PLEKHA2: variants seen among roughly 807,000 people sequenced by gnomAD.
The protein encoded by PLEKHA2 is pleckstrin homology domain containing A2, also known as pleckstrin homology domain-containing family A member 2.
Under a neutral mutation model 53.2 loss-of-function variants are expected in PLEKHA2, and 28 were observed. The ratio of observed to expected loss-of-function variants is 0.53; its 90% CI spans 0.39 to 0.72. The LOEUF is 0.72. Ranked by LOEUF, PLEKHA2 falls within the 30% of genes least tolerant of loss-of-function variation. The pLI is 0.00. For missense variants in PLEKHA2, 426 were observed against 537.9 expected, an observed-to-expected ratio of 0.79 and a Z score of 2.06; for synonymous variants, 193 against 196.4, an observed-to-expected ratio of 0.98 and a Z score of 0.14.
At chr8:38,926,682 G>C (rs983000056) in intron 2 of PLEKHA2, among the ~76,000 whole-genome samples, 21 of 152,232 alleles carry the variant, frequency 1.4e-4, no homozygotes, top group African/African-American at 5.1e-4. Flanking sequence ...TGTAATCCCA[G>C]TACTCTGGGA....
chr8:38,922,186 G>A lies in PLEKHA2; in HGVS notation c.141+4116G>A, dbSNP rs559752553. 6.6e-6 allele frequency among the ~76,000 whole-genome samples: 1 copy of A among 152,184 alleles called. No homozygotes were observed. Among genetic ancestry groups the A allele is most frequent in the Non-Finnish European group, 1.5e-5 (1 of 68,032 alleles). On this transcript the variant is annotated intron_variant, in intron 2 of 11. Coordinates refer to ENST00000617275, the MANE Select transcript of PLEKHA2 (RefSeq NM_021623.2). The surrounding 1 kb of genome is among the most constrained non-coding windows in gnomAD (Gnocchi z 4.0). ...CTGATAATGAGACAGGCGTCTAAGGGTGACTTGGAGGATGAAGAGCCTGCA... is the reference window on the plus strand; with the variant it reads ...CTGATAATGAGACAGGCGTCTAAGGATGACTTGGAGGATGAAGAGCCTGCA...
chr8:38,918,002 T>C lies in PLEKHA2; in HGVS notation c.73T>C (p.Phe25Leu), dbSNP rs370991050. 1 of 1,613,518 alleles carries C rather than the reference T, an allele frequency of 6.2e-7. No individual in the cohort carries two copies. Among genetic ancestry groups the C allele is most frequent in the Non-Finnish European group, 8.5e-7 (1 of 1,179,668 alleles). The change falls in exon 2 of 12, where the codon TTT becomes CTT. Residue 25 changes from phenylalanine to leucine, a missense_variant. By Grantham distance (22) the Phe-to-Leu change is conservative. Coordinates refer to ENST00000617275, the MANE Select transcript of PLEKHA2 (RefSeq NM_021623.2). The stretch of plus-strand genomic sequence containing the variant: ...CGAGGAGCATGAGAACAGCGGCAAG[T>C]TTCTGCGGAGGTACTTCATTCTGGA... ...DIEEHENSGK[F>L]LRRYFILDTQ...
At chr8:38,915,348 G>A (rs1436860249) in intron 1 of PLEKHA2, among the ~76,000 whole-genome samples, 3 of 152,210 alleles carry the variant, frequency 2.0e-5, no homozygotes, top group Non-Finnish European at 2.9e-5. Flanking sequence ...TCGCTTAAAC[G>A]GCAGAAGTTC....
At chr8:38,924,733 G>A (rs1834253931) in intron 2 of PLEKHA2, among the ~76,000 whole-genome samples, 2 of 152,232 alleles carry the variant, frequency 1.3e-5, no homozygotes, top group African/African-American at 2.4e-5. Flanking sequence ...GGAAGTCAGT[G>A]GCAACGTCTG....
At chr8:38,924,892 T>G (rs902767283) in intron 2 of PLEKHA2, among the ~76,000 whole-genome samples, 2 of 152,312 alleles carry the variant, frequency 1.3e-5, no homozygotes, top group South Asian at 4.1e-4. Flanking sequence ...TAAACTGATA[T>G]AGAACAAAAA....
chr8:38,944,452 G>A (rs528904051), intron 4 of PLEKHA2, among the ~76,000 whole-genome samples: 2 of 152,012 alleles, frequency 1.3e-5, no homozygotes, highest in East Asian at 1.9e-4. Context: ...AGGAGGCGGA[G>A]GTTGCAGTGA....
chr8:38,966,296 A>G (rs1835134124), intron 10 of PLEKHA2, among the ~76,000 whole-genome samples: 1 of 126,760 alleles, frequency 7.9e-6, no homozygotes, highest in Non-Finnish European at 1.6e-5. Flanking sequence ...AGGAGGGGTC[A>G]CTTTGGGGAT....
rs1368246942 is a variant in PLEKHA2 at position 38,971,788 on chromosome 8, G to C, written c.*2005G>C. On this transcript the variant is annotated 3_prime_UTR_variant, in exon 12 of 12. Coordinates refer to ENST00000617275, the MANE Select transcript of PLEKHA2 (RefSeq NM_021623.2). ...GAAACCCCGTCTCTACTAAAAATAC[G>C]AAAAAAAAATTAGCCGGGCGCAGTG... The C allele has an allele frequency of 6.6e-6, 1 of 151,316 alleles. No homozygotes were observed. The highest frequency in any genetic ancestry group is 1.9e-4 in the East Asian group (1 of 5,162). The allele number at this position is 151,316 out of a possible 1,614,324, so 9.4% of individuals were successfully genotyped here. A position where few individuals can be genotyped will look rare whatever the true frequency, so the allele number is the denominator to read the frequency against.
chr8:38,951,020 A>G, intron 6 of PLEKHA2, 30 bp downstream of exon 6: 2 of 1,346,512 alleles, frequency 1.5e-6, no homozygotes, highest in South Asian at 1.2e-5. Context: ...CTGCGGGGGG[A>G]GTGGGGGTGT....
chr8:38,934,492 T>G (rs1421979380), intron 2 of PLEKHA2, among the ~76,000 whole-genome samples: 1 of 152,122 alleles, frequency 6.6e-6, no homozygotes, highest in Non-Finnish European at 1.5e-5. Context: ...TTGGAGGCTT[T>G]TGGCAACAAT....
intron 2 of PLEKHA2, among the ~76,000 whole-genome samples, chr8:38,923,052 A>G (rs1307687457): frequency 6.6e-6 from 1 of 152,176 alleles, no homozygotes; most frequent in Non-Finnish European, 1.5e-5. Flanking sequence ...GAGGAAAACA[A>G]CACACACAAA....
In PLEKHA2 at chr8:38,968,577, A is replaced by G; in HGVS notation, c.838-15A>G. The G allele has an allele frequency of 6.2e-7, 1 of 1,613,888 alleles. No individual in the cohort carries two copies. The highest frequency in any genetic ancestry group is 8.5e-7 in the Non-Finnish European group (1 of 1,179,802). On this transcript the variant is annotated splice_polypyrimidine_tract_variant and intron_variant, in intron 10 of 11. Transcript: ENST00000617275. ...TGCCTAAAATTTCTTGGTAAGAGCC[A>G]TGGATGTTTTGCAGGCAGACAGTCC...
intron 2 of PLEKHA2, among the ~76,000 whole-genome samples, chr8:38,929,096 CATGGCCGTGGCTTTTGGTGGCTGAGCT>C (rs1371331173): frequency 6.6e-6 from 1 of 152,230 alleles, no homozygotes; most frequent in Non-Finnish European, 1.5e-5. Flanking sequence ...TGTGAGTCTA[CATGGCCGTGGCTTTTGGTGGCTGAGCT>C]ATGGTTTTAG....
intron 10 of PLEKHA2, 134 bp downstream of exon 10, chr8:38,957,520 C>T: frequency 1.5e-6 from 1 of 684,000 alleles, no homozygotes; most frequent in Non-Finnish European, 2.5e-6. Flanking sequence ...CCCTGAGAGT[C>T]AGTCTGAGTC....
intron 2 of PLEKHA2, among the ~76,000 whole-genome samples, chr8:38,923,348 A>T (rs540708869): frequency 6.6e-6 from 1 of 152,284 alleles, no homozygotes; most frequent in Admixed American, 6.5e-5. Context: ...ACTCTAGGTG[A>T]TCCTTTCACC....
At chr8:38,962,609 C>T (rs554603131) in intron 10 of PLEKHA2, among the ~76,000 whole-genome samples, 2 of 152,314 alleles carry the variant, frequency 1.3e-5, no homozygotes, top group African/African-American at 2.4e-5. Flanking sequence ...AATCACATTT[C>T]AATTCTTGAG....
intron 2 of PLEKHA2, among the ~76,000 whole-genome samples, chr8:38,929,978 C>T (rs931273073): frequency 1.3e-5 from 2 of 152,186 alleles, no homozygotes; most frequent in Admixed American, 1.3e-4. Flanking sequence ...TCTTCTTCAA[C>T]AAGAAATACT....
chr8:38,908,175 C>G (rs1833906365), intron 1 of PLEKHA2, among the ~76,000 whole-genome samples: 1 of 152,156 alleles, frequency 6.6e-6, no homozygotes, highest in Non-Finnish European at 1.5e-5. Flanking sequence ...CGACTTGGGA[C>G]TGAGTATTCT....
At chr8:38,921,079 G>T (rs570926948) in intron 2 of PLEKHA2, among the ~76,000 whole-genome samples, 1 of 152,224 alleles carries the variant, frequency 6.6e-6, no homozygotes, top group Non-Finnish European at 1.5e-5. Context: ...GGGATTACAG[G>T]CATGAGCCAC....
Sources: allele counts gnomAD v4.1 joint callset (sites outside exome capture counted in the v4.1 genomes callset), GRCh38; gene constraint gnomAD v4.1.1; non-coding constraint Gnocchi (gnomAD v3.1); transcripts MANE v1.5; gene names NCBI Gene and HGNC (gene_info 2026-07-23, HGNC 2026-07-21).